The following PLCE1 variants were observed in gnomAD, a reference collection of about 807,000 sequenced individuals.
PLCE1 encodes 1-phosphatidylinositol 4,5-bisphosphate phosphodiesterase epsilon-1.
A neutral mutation model predicts 242.8 loss-of-function variants in PLCE1; 119 were observed. That is an observed-to-expected ratio of 0.49 (90% CI 0.42 to 0.57). PLCE1 has a LOEUF of 0.57. Among genes scored for constraint, PLCE1 ranks in the 20% least tolerant of loss-of-function variants. The pLI is 0.00. For missense variants in PLCE1, 2,441 were observed against 2,788.8 expected (o/e 0.88, Z 2.81); for synonymous variants, 945 against 1,017.4 (o/e 0.93, Z 1.35).
In PLCE1 at chr10:94,330,245, C is replaced by T. The variant is rs2054143950; in HGVS notation, c.*2302C>T. ...ATAAATCTGAGACTGAAGTTGAGAC[C>T]AGGTTGTTTAGCAAGTGAGAGAATC... is the stretch of plus-strand genomic sequence containing the variant. On this transcript the variant is annotated 3_prime_UTR_variant, in exon 33 of 33. Coordinates refer to ENST00000371380, the MANE Select transcript of PLCE1 (RefSeq NM_016341.4). 2 of 152,154 alleles carry T rather than the reference C, an allele frequency of 1.3e-5. No individual in the cohort carries two copies. The highest frequency in any genetic ancestry group is 6.5e-5 in the Admixed American group (1 of 15,276). 9.4% of individuals were successfully genotyped at this position (152,154 alleles called of 1,614,324 possible).
At chr10:94,150,996 C>CG (rs2136110856) in intron 3 of PLCE1, among the ~76,000 whole-genome samples, 1 of 152,324 alleles carries the variant, frequency 6.6e-6, no homozygotes, top group South Asian at 2.1e-4. Context: ...ACACCTCCTT[C>CG]GTCTGTACTG....
chr10:94,103,505 C>T (rs1334859241), intron 2 of PLCE1, among the ~76,000 whole-genome samples: 1 of 152,212 alleles, frequency 6.6e-6, no homozygotes, highest in African/African-American at 2.4e-5. Flanking sequence ...AGATCCTTCT[C>T]TTCTTTTAGA....
chr10:94,133,417 G>T (rs1307034312), intron 3 of PLCE1, among the ~76,000 whole-genome samples: 1 of 152,218 alleles, frequency 6.6e-6, no homozygotes, highest in African/African-American at 2.4e-5. Flanking sequence ...GTCACAAGCT[G>T]CTTGGCAGCC....
At chr10:94,024,124 C>T (rs1057010617) in intron 1 of PLCE1, among the ~76,000 whole-genome samples, 2 of 152,122 alleles carry the variant, frequency 1.3e-5, no homozygotes, top group African/African-American at 4.8e-5. Flanking sequence ...GCACCGTGTG[C>T]ACGTGATAAG....
In PLCE1 at chr10:94,236,020, A is replaced by T; in HGVS notation, c.2320A>T (p.Ile774Phe). The T allele has an allele frequency of 6.2e-7, 1 of 1,614,150 alleles. No homozygotes were observed. The highest frequency in any genetic ancestry group is 2.2e-5 in the East Asian group (1 of 44,866). The change falls in exon 7 of 33, where the codon ATC becomes TTC. Residue 774 changes from isoleucine (I) to phenylalanine (F), a missense_variant. Transcript: ENST00000371380. ...CACTGTCAACAGCATCTTTCAGGTCATCCGGAGCTGCAATCGAAGTCTGGA... is the reference window on the plus strand; with the variant it reads ...CACTGTCAACAGCATCTTTCAGGTCTTCCGGAGCTGCAATCGAAGTCTGGA... ...ESTVNSIFQV[I>F]RSCNRSLETD... is the part of the protein sequence containing the mutation.
At position 94,321,959 on chromosome 10, in the gene PLCE1, A is replaced by C. The variant is rs1301849938; in HGVS notation, c.6401A>C (p.Glu2134Ala). 2 of 1,613,868 alleles carry C rather than the reference A, an allele frequency of 1.2e-6. No homozygotes were observed. Among genetic ancestry groups the C allele is most frequent in the East Asian group, 4.5e-5 (2 of 44,884 alleles). The change falls in exon 30 of 33, where the codon GAG (glutamate) becomes GCG (alanine). Residue 2134 changes from glutamate to alanine, a missense_variant. Physicochemically the swap from Glu to Ala is moderately radical, Grantham distance 107 (BLOSUM62 -1). Coordinates refer to ENST00000371380, the MANE Select transcript of PLCE1 (RefSeq NM_016341.4). ...AAAGAGGTGATCTTGAGCTCAGAGG[A>C]GGAGAGTTTCTTTGTCCAAGTGCAT... ...DDKEVILSSE[E>A]ESFFVQVHDV...
intron 2 of PLCE1, among the ~76,000 whole-genome samples, chr10:94,044,792 C>T (rs1013678788): frequency 1.8e-4 from 27 of 151,466 alleles, no homozygotes; most frequent in Admixed American, 1.5e-3. Context: ...AGCAGAAGAG[C>T]TTCTGAAGCC....
At chr10:94,318,403 G>A (rs960036034) in intron 29 of PLCE1, among the ~76,000 whole-genome samples, 2 of 152,194 alleles carry the variant, frequency 1.3e-5, no homozygotes, top group African/African-American at 4.8e-5. Context: ...CAGTAAATTT[G>A]TAAACCTCAT....
chr10:94,113,184 G>C (rs2046007707), intron 2 of PLCE1, among the ~76,000 whole-genome samples: 1 of 151,730 alleles, frequency 6.6e-6, no homozygotes, highest in South Asian at 2.1e-4. Context: ...ATTGATTGTG[G>C]TGTAACTATA....
chr10:94,308,482 AT>A (rs2053278633), intron 26 of PLCE1, 98 bp from the exon 27 acceptor site: 1 of 859,602 alleles, frequency 1.2e-6, no homozygotes, highest in Admixed American at 1.7e-5. Context: ...ATCCCTGCCC[AT>A]TTTAAGGTCT....
intron 28 of PLCE1, chr10:94,315,506 T>C: frequency 2.2e-6 from 1 of 456,036 alleles, no homozygotes; most frequent in Non-Finnish European, 4.4e-6. Context: ...AAAACTATAA[T>C]GCCTGTAATC....
At position 94,288,658 on chromosome 10, in the gene PLCE1, A is replaced by G. The variant is rs892605428; in HGVS notation, c.5035+3693A>G. ...CTGATTCTGAGGGGGATTTTGCCTC[A>G]TTCTCCTTTGGATCCACCACACAGT... On this transcript the variant is annotated intron_variant, in intron 22 of 32. Transcript: ENST00000371380. Among the ~76,000 whole-genome samples, 14 of 152,108 alleles carry G rather than the reference A, an allele frequency of 9.2e-5. No homozygotes were observed. The East Asian group carries it at 2.3e-3, about 25-fold the overall frequency.
At chr10:94,161,692 T>C (rs1327900406) in intron 3 of PLCE1, among the ~76,000 whole-genome samples, 1 of 152,230 alleles carries the variant, frequency 6.6e-6, no homozygotes, top group East Asian at 1.9e-4. Context: ...CCAACACTAT[T>C]TTGAATATGA....
chr10:94,033,369 C>A (rs1448934085), intron 2 of PLCE1, among the ~76,000 whole-genome samples: 1 of 151,678 alleles, frequency 6.6e-6, no homozygotes, highest in African/African-American at 2.4e-5. Context: ...CCTGGAAAAC[C>A]CTTCAGACCA....
chr10:94,236,182 G>T, intron 7 of PLCE1, 62 bp downstream of exon 7: 2 of 1,397,058 alleles, frequency 1.4e-6, no homozygotes, highest in Non-Finnish European at 1.0e-6. Context: ...TTGATGAGTT[G>T]TTTCCTACTT....
At position 94,262,703 on chromosome 10, in the gene PLCE1, A is replaced by G. The variant is rs767251854; in HGVS notation, c.4024A>G (p.Thr1342Ala). 3 of 1,613,748 alleles carry G rather than the reference A, an allele frequency of 1.9e-6. No homozygotes were observed. The highest frequency in any genetic ancestry group is 2.5e-6 in the Non-Finnish European group (3 of 1,179,648). ...CGTGAATTGCCAAGGAGAACACTGC[A>G]CTTATGATGAAATCCTCAGCATCAT... ...FLVNCQGEHC[T>A]YDEILSIIQK... is the part of the protein sequence containing the mutation. Residue 1342 changes from threonine to alanine, a missense_variant, in exon 14 of 33, where the codon ACT becomes GCT. This residue lies in a region of PLCE1 where 1,004 missense variants were observed against 1,322.7 expected (regional missense o/e 0.76). Coordinates refer to ENST00000371380, the MANE Select transcript of PLCE1 (RefSeq NM_016341.4).
intron 2 of PLCE1, among the ~76,000 whole-genome samples, chr10:94,098,250 TAAAC>T (rs1490250482): frequency 1.3e-5 from 2 of 152,204 alleles, no homozygotes; most frequent in African/African-American, 2.4e-5. Flanking sequence ...TGTAAAATTT[TAAAC>T]AAACACAGAA....
intron 1 of PLCE1, among the ~76,000 whole-genome samples, chr10:94,007,468 C>T (rs1306023832): frequency 2.6e-5 from 4 of 151,848 alleles, no homozygotes; most frequent in African/African-American, 9.7e-5. Flanking sequence ...TAGTATGTAA[C>T]TTGTTAAAGC....
At chr10:94,250,666 G>T (rs561266362) in intron 8 of PLCE1, among the ~76,000 whole-genome samples, 1 of 152,304 alleles carries the variant, frequency 6.6e-6, no homozygotes, top group African/African-American at 2.4e-5. Flanking sequence ...ACATATTTCT[G>T]TTAGTGGTAA....
Sources: allele counts gnomAD v4.1 joint callset (sites outside exome capture counted in the v4.1 genomes callset), GRCh38; gene constraint gnomAD v4.1.1; regional missense constraint gnomAD v4.1.1; transcripts MANE v1.5; gene names NCBI Gene and HGNC (gene_info 2026-07-23, HGNC 2026-07-21).